Variants in NHSL1 observed in about 807,000 individuals in gnomAD.
NHSL1 encodes NHS-like protein 1.
Under a neutral mutation model 95.0 loss-of-function variants are expected in NHSL1, and 48 were observed. The ratio of observed to expected loss-of-function variants is 0.51; its 90% confidence interval spans 0.40 to 0.64. The LOEUF is 0.64. NHSL1 is among the 30% of genes least tolerant of loss of function. The pLI is 0.00. For synonymous variants in NHSL1, 783 were observed against 833.9 expected, an observed-to-expected ratio of 0.94 and a Z score of 1.05; for missense variants, 1,971 against 2,077.7, an observed-to-expected ratio of 0.95 and a Z score of 1.00.
rs1225019773 is a variant in NHSL1 at position 138,639,641 on chromosome 6, C to CAA, written c.96+52833_96+52834dup. Among the ~76,000 whole-genome samples the CAA allele has an allele frequency of 2.8e-3, 329 of 116,250 alleles. 3 individuals are homozygous for CAA. The highest frequency in any genetic ancestry group is 9.3e-3 in the African/African-American group (303 of 32,642). The allele number at this position is 116,250 out of a possible 152,430, so 76.3% of individuals were successfully genotyped here. ...TGGGCAACAGAGTGAGACTCCGTCT[C>CAA]AAAAAAAAAAAAAAATTAGCTGGGC... is the stretch of plus-strand genomic sequence containing the variant. On this transcript the variant is annotated intron_variant, in intron 1 of 3. Transcript: ENST00000491526.
At chr6:138,489,220 C>A (rs751272329) in intron 2 of NHSL1, among the ~76,000 whole-genome samples, 7 of 152,180 alleles carry the variant, frequency 4.6e-5, no homozygotes, top group Non-Finnish European at 7.3e-5. Context: ...ATGCACCCCT[C>A]CCTCCACAGA....
chr6:138,458,074 C>T (rs1027514190), intron 3 of NHSL1, among the ~76,000 whole-genome samples: 10 of 151,690 alleles, frequency 6.6e-5, no homozygotes, highest in African/African-American at 9.7e-5. Flanking sequence ...GGTTAGGAGT[C>T]TTAGTCTTAA....
intron 1 of NHSL1, among the ~76,000 whole-genome samples, chr6:138,646,645 A>G (rs552868896): frequency 1.4e-4 from 21 of 152,280 alleles, no homozygotes; most frequent in South Asian, 1.0e-3. Context: ...TAAATCAGCA[A>G]CTCCTGAGGG....
chr6:138,665,958 A>G (rs1373232551), intron 1 of NHSL1, among the ~76,000 whole-genome samples: 1 of 152,000 alleles, frequency 6.6e-6, no homozygotes, highest in Non-Finnish European at 1.5e-5. Context: ...AAAATTATCC[A>G]TAAGACAAAT....
intron 3 of NHSL1, among the ~76,000 whole-genome samples, chr6:138,459,845 T>G (rs1777876628): frequency 6.6e-6 from 1 of 152,190 alleles, no homozygotes; most frequent in South Asian, 2.1e-4. Flanking sequence ...CTATTAATAT[T>G]ATTAATATAT....
chr6:138,486,471 C>A (rs560556589), intron 2 of NHSL1, among the ~76,000 whole-genome samples: 2 of 152,250 alleles, frequency 1.3e-5, no homozygotes, highest in South Asian at 4.1e-4. Context: ...CTCTCCCCAC[C>A]TGTGAGCGCC....
chr6:138,550,213 T>C (rs531434960), upstream of NHSL1, among the ~76,000 whole-genome samples: 4 of 152,050 alleles, frequency 2.6e-5, no homozygotes, highest in South Asian at 2.1e-4. Flanking sequence ...TATTCCAGCC[T>C]GGGCAACAGA....
rs1329101500 is a variant in NHSL1 at position 138,422,145 on chromosome 6, TTTATC to T, written c.*1931_*1935del. 3 of 152,242 alleles carry T rather than the reference TTTATC, an allele frequency of 2.0e-5. No homozygotes were observed. The highest frequency in any genetic ancestry group is 6.5e-5 in the Admixed American group (1 of 15,278). 9.4% of individuals were successfully genotyped at this position (152,242 alleles called of 1,614,324 possible). A position where few individuals can be genotyped will look rare whatever the true frequency, so the allele number is the denominator to read the frequency against. On this transcript the variant is annotated 3_prime_UTR_variant, in exon 8 of 8. Transcript: ENST00000343505. ...AGTTTTATAATTAGTGTTATGTTGCTTTATCTTATCTTTGCATAAATTATGTATTA... is the reference window on the plus strand; with the variant it reads ...AGTTTTATAATTAGTGTTATGTTGCTTTATCTTTGCATAAATTATGTATTA...
chr6:138,514,625 T>C (rs1781384014), intron 1 of NHSL1, among the ~76,000 whole-genome samples: 1 of 151,748 alleles, frequency 6.6e-6, no homozygotes, highest in African/African-American at 2.4e-5. Context: ...TCTCTCAAAA[T>C]ATCTTATTGT....
Position 138,431,775 on chromosome 6 carries a change from T to A in NHSL1, c.2570A>T (p.Asn857Ile), listed in dbSNP as rs769096996. The change falls in exon 6 of 8, where the codon AAT becomes ATT. Residue 857 changes from asparagine to isoleucine, a missense_variant. By Grantham distance (149) the Asn-to-Ile change is moderately radical. Transcript: ENST00000343505. The surrounding 1 kb of genome is among the most constrained non-coding windows in gnomAD (Gnocchi z 4.0). Reference sequence around the variant, plus strand: ...CACAGGGGTGAGTGCTGTGGGTGTATTCGACTGGCTGGAATACCCACTGGA... The same window carrying A: ...CACAGGGGTGAGTGCTGTGGGTGTAATCGACTGGCTGGAATACCCACTGGA... ...SPSSGYSSQS[N>I]TPTALTPVPV... 1.3e-6 allele frequency: 2 copies of A among 1,551,588 alleles called. No individual in the cohort carries two copies. Among genetic ancestry groups the A allele is most frequent in the Admixed American group, 3.9e-5 (2 of 50,986 alleles).
chr6:138,507,953 A>G (rs1319695459), intron 1 of NHSL1, among the ~76,000 whole-genome samples: 13 of 152,238 alleles, frequency 8.5e-5, no homozygotes, highest in Admixed American at 8.5e-4. Context: ...CCACTTTGCC[A>G]GTTAATTTTG....
At chr6:138,680,144 G>A (rs890061073) in intron 1 of NHSL1, among the ~76,000 whole-genome samples, 3 of 152,224 alleles carry the variant, frequency 2.0e-5, no homozygotes, top group African/African-American at 4.8e-5. Flanking sequence ...AGTGGGTTAC[G>A]TAATTCAATG....
chr6:138,471,066 C>T (rs1778720002), intron 3 of NHSL1, among the ~76,000 whole-genome samples: 1 of 152,054 alleles, frequency 6.6e-6, no homozygotes, highest in African/African-American at 2.4e-5. Flanking sequence ...GGTGATTTGT[C>T]GACCCTCTCA....
intron 1 of NHSL1, among the ~76,000 whole-genome samples, chr6:138,589,619 T>C (rs958774152): frequency 2.0e-5 from 3 of 152,310 alleles, no homozygotes; most frequent in South Asian, 4.1e-4. Context: ...AGCCTCCTTT[T>C]ACCCTAAACC....
At chr6:138,468,657 AAT>A (rs1205615644) in intron 3 of NHSL1, among the ~76,000 whole-genome samples, 1 of 152,208 alleles carries the variant, frequency 6.6e-6, no homozygotes, top group African/African-American at 2.4e-5. Context: ...TCCATGAAAA[AAT>A]AGTCTTCCAT....
intron 1 of NHSL1, among the ~76,000 whole-genome samples, chr6:138,578,653 G>T (rs1360338896): frequency 6.6e-6 from 1 of 152,030 alleles, no homozygotes; most frequent in Non-Finnish European, 1.5e-5. Context: ...CCTCTCCAGT[G>T]ATCACTGTGG....
At chr6:138,624,381 G>T (rs1343235513) in intron 1 of NHSL1, among the ~76,000 whole-genome samples, 2 of 152,124 alleles carry the variant, frequency 1.3e-5, no homozygotes, top group Admixed American at 1.3e-4. Context: ...AAAGAGAAGG[G>T]AAGGAGGGCA....
chr6:138,526,862 C>T (rs1781926209), intron 1 of NHSL1, among the ~76,000 whole-genome samples: 1 of 152,122 alleles, frequency 6.6e-6, no homozygotes, highest in African/African-American at 2.4e-5. Flanking sequence ...AACCACTATA[C>T]TAATGAATTT....
At chr6:138,476,564 C>T (rs996295758) in intron 2 of NHSL1, among the ~76,000 whole-genome samples, 8 of 152,034 alleles carry the variant, frequency 5.3e-5, no homozygotes, top group East Asian at 1.9e-4. Context: ...CAGTAGCTCA[C>T]GCCTGTAATC....
Sources: gnomAD v4.1 joint callset for allele counts (sites outside exome capture counted in the v4.1 genomes callset) on GRCh38, gnomAD v4.1.1 for gene constraint, Gnocchi (gnomAD v3.1) non-coding constraint, MANE v1.5 for transcripts, NCBI Gene and HGNC (gene_info 2026-07-23, HGNC 2026-07-21) for gene names.